The following GSTA1 variants were observed in gnomAD, a reference collection of about 807,000 sequenced individuals.
The protein encoded by GSTA1 is glutathione S-transferase A1.
In GSTA1, 23 loss-of-function variants were observed where a neutral mutation model predicts 21.5. The ratio of observed to expected loss-of-function variants is 1.07; its 90% CI spans 0.77 to 1.52. The LOEUF (loss-of-function observed/expected upper bound fraction) is 1.52, where lower values mean the gene tolerates loss of function less well. Ranked by LOEUF, GSTA1 falls within the 40% of genes most tolerant of loss-of-function variation. The pLI, the probability that GSTA1 is intolerant of heterozygous loss-of-function variation, is 0.00. For synonymous variants in GSTA1, 125 were observed against 90.0 expected, an observed-to-expected ratio of 1.39 and a Z score of -2.20; for missense variants, 301 against 264.2, an observed-to-expected ratio of 1.14 and a Z score of -0.96.
intron 2 of GSTA1, 97 bp downstream of exon 2, chr6:52,799,084 C>A (rs561218814): frequency 7.1e-6 from 8 of 1,131,498 alleles, no homozygotes; most frequent in Non-Finnish European, 1.1e-5. Flanking sequence ...ATTTAAGGCA[C>A]AATGCTTCAG....
intron 1 of GSTA1, among the ~76,000 whole-genome samples, chr6:52,801,948 A>C (rs1763727292): frequency 6.6e-6 from 1 of 152,078 alleles, no homozygotes; most frequent in South Asian, 2.1e-4. Context: ...TCCACCTCAT[A>C]ACCTGGCTCT....
intron 6 of GSTA1, 158 bp downstream of exon 6, chr6:52,792,698 A>C (rs866112459): frequency 1.9e-6 from 3 of 1,568,816 alleles, no homozygotes; most frequent in Middle Eastern, 1.8e-4. Context: ...AAGTGTTTTC[A>C]TTCCTCAAAA....
At chr6:52,796,543 A>ATATATATAT (rs1300549721) in intron 3 of GSTA1, among the ~76,000 whole-genome samples, 7 of 23,754 alleles carry the variant, frequency 2.9e-4, no homozygotes, top group South Asian at 1.6e-3. Context: ...ATATATATAT[A>ATATATATAT]TTTTTTTTTT....
intron 6 of GSTA1, 109 bp from the exon 7 acceptor site, chr6:52,792,089 A>G: frequency 1.3e-6 from 2 of 1,488,762 alleles, no homozygotes; most frequent in Non-Finnish European, 1.8e-6. Flanking sequence ...AGTCTGCTCC[A>G]TCAGCACAAG....
intron 2 of GSTA1, among the ~76,000 whole-genome samples, chr6:52,798,055 T>C (rs1019739243): frequency 6.6e-6 from 1 of 152,202 alleles, no homozygotes; most frequent in Non-Finnish European, 1.5e-5. Context: ...ATCAAACATT[T>C]TGCCACCAAG....
chr6:52,792,667 C>T lies in GSTA1; in HGVS notation c.546+189G>A, dbSNP rs572759972. On this transcript the variant is annotated intron_variant, in intron 6 of 6. Transcript: ENST00000334575. ...ACTCTTTGTGGGGTAGCATGCAGCA[C>T]AGATTTCCTTTCCATAACAAAAGTG... 16 of 1,455,312 alleles carry T rather than the reference C, an allele frequency of 1.1e-5. No homozygotes were observed. The East Asian group carries it at 4.1e-4, about 37-fold the overall frequency. The allele number at this position is 1,455,312 out of a possible 1,614,324, so 90.1% of individuals were successfully genotyped here. A position where few individuals can be genotyped will look rare whatever the true frequency, so the allele number is the denominator to read the frequency against.
At chr6:52,799,827 G>C in intron 1 of GSTA1, among the ~76,000 whole-genome samples, 1 of 152,214 alleles carries the variant, frequency 6.6e-6, no homozygotes, top group Non-Finnish European at 1.5e-5. Flanking sequence ...CTGGAAGCCA[G>C]CTGGGTGAAG....
chr6:52,802,744 G>A (rs1212454468), intron 1 of GSTA1, among the ~76,000 whole-genome samples: 1 of 151,988 alleles, frequency 6.6e-6, no homozygotes, highest in African/African-American at 2.4e-5. Context: ...TATCTGTCTT[G>A]TATCCATTTC....
intron 5 of GSTA1, among the ~76,000 whole-genome samples, chr6:52,793,284 C>T (rs1763502229): frequency 6.6e-6 from 1 of 152,124 alleles, no homozygotes; most frequent in South Asian, 2.1e-4. Flanking sequence ...TAGCACCTGC[C>T]TCCATGTGTT....
intron 4 of GSTA1, among the ~76,000 whole-genome samples, chr6:52,794,918 C>A (rs1763541141): frequency 6.6e-6 from 1 of 152,164 alleles, no homozygotes; most frequent in South Asian, 2.1e-4. Flanking sequence ...TCTTTTGTGT[C>A]AAACTGGAGT....
At chr6:52,795,720 T>C (rs898826763) in intron 4 of GSTA1, among the ~76,000 whole-genome samples, 4 of 152,182 alleles carry the variant, frequency 2.6e-5, no homozygotes, top group Middle Eastern at 3.2e-3. Context: ...CCAGTTGATA[T>C]ACTTGGTTGG....
At chr6:52,799,366 T>C in intron 1 of GSTA1, 69 bp from the exon 2 acceptor site, 1 of 1,033,276 alleles carries the variant, frequency 9.7e-7, no homozygotes, top group Non-Finnish European at 1.4e-6. Context: ...GGATATGTAG[T>C]TGAAAACCAC....
In GSTA1 at chr6:52,791,978, G is replaced by T; in HGVS notation, c.549C>A (p.Ala183=). 1.2e-6 allele frequency: 2 copies of T among 1,613,802 alleles called. No homozygotes were observed. Among genetic ancestry groups the T allele is most frequent in the Non-Finnish European group, 1.7e-6 (2 of 1,179,822 alleles). Residue 183 remains alanine, a splice_region_variant and synonymous_variant, in exon 7 of 7, where the codon GCC becomes GCA. Coordinates refer to ENST00000334575, the MANE Select transcript of GSTA1 (RefSeq NM_145740.5). Reference sequence around the variant, plus strand: ...GCAGGTTGCTGATTCTGGTTTTCAGGGCCTGTAATTCATAAAGCACAGCCT... The same window carrying T: ...GCAGGTTGCTGATTCTGGTTTTCAGTGCCTGTAATTCATAAAGCACAGCCT... ...SLISSFPLLK[A]LKTRISNLPT... is the part of the protein sequence containing the mutation.
chr6:52,794,858 C>A (rs1332443346), intron 4 of GSTA1, among the ~76,000 whole-genome samples: 2 of 152,208 alleles, frequency 1.3e-5, no homozygotes, highest in East Asian at 3.8e-4. Flanking sequence ...CTAAGAATCC[C>A]CTTCCCTGGT....
chr6:52,792,381 G>A (rs1474225513), intron 6 of GSTA1, among the ~76,000 whole-genome samples: 1 of 152,134 alleles, frequency 6.6e-6, no homozygotes, highest in Non-Finnish European at 1.5e-5. Flanking sequence ...ACAAACCATG[G>A]GACCACCTTT....
intron 1 of GSTA1, among the ~76,000 whole-genome samples, chr6:52,799,604 A>G (rs1179988432): frequency 6.6e-6 from 1 of 152,222 alleles, no homozygotes; most frequent in Non-Finnish European, 1.5e-5. Context: ...TTCAAGAACT[A>G]ATATTTATTG....
chr6:52,792,601 G>C, intron 6 of GSTA1: 1 of 724,772 alleles, frequency 1.4e-6, no homozygotes, highest in Non-Finnish European at 2.0e-6. Flanking sequence ...GATGGGGAGA[G>C]ATGCTGGGCC....
chr6:52,796,537 A>ATT (rs1561912893), intron 3 of GSTA1, among the ~76,000 whole-genome samples: 2 of 40,114 alleles, frequency 5.0e-5, no homozygotes, highest in African/African-American at 1.3e-4. Flanking sequence ...GTGTATATAT[A>ATT]TATATATTTT....
At position 52,796,158 on chromosome 6, in the gene GSTA1, G is replaced by T. The variant is rs779260797; in HGVS notation, c.272+24C>A. The T allele has an allele frequency of 1.9e-6, 3 of 1,611,986 alleles. No individual in the cohort carries two copies. In the East Asian group the frequency reaches 6.7e-5, roughly 36 times the overall value. On this transcript the variant is annotated intron_variant, in intron 4 of 6. Coordinates refer to ENST00000334575, the MANE Select transcript of GSTA1 (RefSeq NM_145740.5). The stretch of plus-strand genomic sequence containing the variant: ...AAATCACTCTGTGTTCTCTGTGGAT[G>T]GAAGAACAGAAAATATACCGTACAG...
Sources: gnomAD v4.1 joint callset for allele counts (sites outside exome capture counted in the v4.1 genomes callset) on GRCh38, gnomAD v4.1.1 for gene constraint, MANE v1.5 for transcripts, NCBI Gene and HGNC (gene_info 2026-07-23, HGNC 2026-07-21) for gene names.